Variants in RNF168 observed in about 807,000 individuals in gnomAD.
RNF168 encodes the protein E3 ubiquitin-protein ligase RNF168.
A neutral mutation model predicts 34.9 loss-of-function variants in RNF168; 34 were observed. That is an observed-to-expected ratio of 0.97 (90% CI 0.74 to 1.30). The LOEUF (loss-of-function observed/expected upper bound fraction) is 1.30, where lower values mean the gene tolerates loss of function less well. RNF168 is among the 50% of genes most tolerant of loss of function. The pLI is 0.00. For synonymous variants in RNF168, 264 were observed against 254.7 expected (o/e 1.04, Z -0.35); for missense variants, 725 against 682.5 (o/e 1.06, Z -0.69).
At chr3:196,492,826 G>T (rs1732628994) in intron 1 of RNF168, among the ~76,000 whole-genome samples, 1 of 151,608 alleles carries the variant, frequency 6.6e-6, no homozygotes, top group South Asian at 2.1e-4. Context: ...GCCCCAAATT[G>T]CTCTGGAAAA....
intron 1 of RNF168, among the ~76,000 whole-genome samples, chr3:196,492,771 C>T (rs1732626935): frequency 6.6e-6 from 1 of 150,830 alleles, no homozygotes; most frequent in African/African-American, 2.5e-5. Context: ...GAGAGAGACT[C>T]CATCTCAAAT....
chr3:196,489,314 A>AT (rs1732535343), intron 1 of RNF168, among the ~76,000 whole-genome samples: 1 of 150,340 alleles, frequency 6.7e-6, no homozygotes, highest in South Asian at 2.1e-4. Flanking sequence ...AGAGGAGGTT[A>AT]ACTGATTAAA....
chr3:196,492,483 T>TA (rs1377747646), intron 1 of RNF168, among the ~76,000 whole-genome samples: 4 of 151,106 alleles, frequency 2.6e-5, no homozygotes, highest in African/African-American at 9.7e-5. Context: ...AGTTAAAAAA[T>TA]AAAAAGCCCA....
At chr3:196,497,478 T>C (rs1413925355) in intron 1 of RNF168, among the ~76,000 whole-genome samples, 2 of 152,038 alleles carry the variant, frequency 1.3e-5, no homozygotes, top group African/African-American at 4.8e-5. Context: ...AAGACCAGCC[T>C]GGCCAACATG....
chr3:196,494,649 A>C (rs1732693510), intron 1 of RNF168, among the ~76,000 whole-genome samples: 1 of 152,178 alleles, frequency 6.6e-6, no homozygotes, highest in African/African-American at 2.4e-5. Context: ...AAAAAGCCCA[A>C]AGTTGCTCTG....
chr3:196,482,523 T>G (rs565689766), intron 4 of RNF168, among the ~76,000 whole-genome samples: 9 of 152,328 alleles, frequency 5.9e-5, no homozygotes, highest in Admixed American at 2.0e-4. Flanking sequence ...AATCACCAAC[T>G]GTTTTCTGCA....
intron 3 of RNF168, among the ~76,000 whole-genome samples, chr3:196,486,493 T>G (rs2108649780): frequency 6.6e-6 from 1 of 151,994 alleles, no homozygotes; most frequent in South Asian, 2.1e-4. Flanking sequence ...ACCATCACAC[T>G]CGGCTCATTA....
At chr3:196,493,764 G>A (rs1362423267) in intron 1 of RNF168, among the ~76,000 whole-genome samples, 1 of 151,868 alleles carries the variant, frequency 6.6e-6, no homozygotes, top group East Asian at 1.9e-4. Flanking sequence ...CTGACCTCAG[G>A]TGATCCACCT....
rs935204248 is a variant in RNF168 at position 196,469,055 on chromosome 3, T to C, written c.*2764A>G. The C allele has an allele frequency of 2.0e-5, 3 of 152,140 alleles. No individual in the cohort carries two copies. Among genetic ancestry groups the C allele is most frequent in the Non-Finnish European group, 4.4e-5 (3 of 68,018 alleles). The allele number at this position is 152,140 out of a possible 1,614,324, so 9.4% of individuals were successfully genotyped here. A position where few individuals can be genotyped will look rare whatever the true frequency, so the allele number is the denominator to read the frequency against. On this transcript the variant is annotated 3_prime_UTR_variant, in exon 6 of 6. Transcript: ENST00000318037. ...GAGCTGAATATATAAATCCCAAATA[T>C]ATCACACCATATATGTGATATATTT...
At chr3:196,484,472 C>A (rs1360035696) in intron 3 of RNF168, among the ~76,000 whole-genome samples, 1 of 114,602 alleles carries the variant, frequency 8.7e-6, no homozygotes, top group Non-Finnish European at 1.7e-5. Flanking sequence ...CCGCGCCCGG[C>A]CTTTTTTTTT....
Position 196,472,328 on chromosome 3 carries a change from A to C in RNF168, c.1207T>G (p.Phe403Val). ...SSFEAVKDPC[F>V]SAKRRKVSPE... is the part of the protein sequence containing the mutation. ...GACACTTTTCTTCTTTTTGCAGAAA[A>C]GCATGGATCCTTGACTGCTTCAAAG... Residue 403 changes from phenylalanine to valine, a missense_variant, in exon 6 of 6, where the codon TTT (phenylalanine) becomes GTT (valine). Transcript: ENST00000318037. The C allele has an allele frequency of 6.2e-7, 1 of 1,614,064 alleles. No homozygotes were observed. The highest frequency in any genetic ancestry group is 8.5e-7 in the Non-Finnish European group (1 of 1,179,980).
Position 196,501,676 on chromosome 3 carries a change from T to C in RNF168, c.301+1197A>G, listed in dbSNP as rs201820993. Among the ~76,000 whole-genome samples, 20 of 152,328 alleles carry C rather than the reference T, an allele frequency of 1.3e-4. No individual in the cohort carries two copies. The East Asian group carries it at 2.9e-3, about 22-fold the overall frequency. On this transcript the variant is annotated intron_variant, in intron 1 of 5. Coordinates refer to ENST00000318037, the MANE Select transcript of RNF168 (RefSeq NM_152617.4). ...GAATGTAATTAATGCTATTGAATTG[T>C]ACTTAAAAATGGTTAAAATGTCAGT...
intron 1 of RNF168, among the ~76,000 whole-genome samples, chr3:196,500,933 G>C (rs575918323): frequency 6.6e-6 from 1 of 152,144 alleles, no homozygotes; most frequent in East Asian, 1.9e-4. Flanking sequence ...GGATGGTCTC[G>C]ATCTCCTGAC....
chr3:196,482,374 C>T (rs761687990), intron 4 of RNF168, among the ~76,000 whole-genome samples: 6 of 152,076 alleles, frequency 3.9e-5, no homozygotes, highest in Non-Finnish European at 7.4e-5. Context: ...GTTGTTTCTA[C>T]CTTTCGGTTA....
intron 4 of RNF168, among the ~76,000 whole-genome samples, chr3:196,482,522 C>T (rs1443865944): frequency 6.6e-6 from 1 of 152,210 alleles, no homozygotes; most frequent in Non-Finnish European, 1.5e-5. Flanking sequence ...GAATCACCAA[C>T]TGTTTTCTGC....
In RNF168 at chr3:196,503,749, G is replaced by A; in HGVS notation, c.-576C>T. On this transcript the variant is annotated 5_prime_UTR_variant, in exon 1 of 6. Coordinates refer to ENST00000318037, the MANE Select transcript of RNF168 (RefSeq NM_152617.4). The stretch of plus-strand genomic sequence containing the variant: ...CAGAAACCCTATTCGTTGCGGCAGC[G>A]CAGCAGCCACCGGACAAGCGCTAGC... 6.2e-6 allele frequency: 1 copy of A among 160,108 alleles called. No individual in the cohort carries two copies. Among genetic ancestry groups the A allele is most frequent in the Admixed American group, 5.9e-5 (1 of 16,844 alleles). 9.9% of individuals were successfully genotyped at this position (160,108 alleles called of 1,614,324 possible). A position where few individuals can be genotyped will look rare whatever the true frequency, so the allele number is the denominator to read the frequency against.
chr3:196,494,736 T>C (rs946099721), intron 1 of RNF168, among the ~76,000 whole-genome samples: 1 of 152,150 alleles, frequency 6.6e-6, no homozygotes, highest in Admixed American at 6.6e-5. Context: ...TGGCTATAAA[T>C]GGCAATCAGG....
Position 196,470,232 on chromosome 3 carries a change from AG to A in RNF168, c.*1586del, listed in dbSNP as rs1731965995. ...ATCCAGACTGTCAGTCACCCCATCC[AG>A]CCACATCCTCATCTGGACCAGTTTC... On this transcript the variant is annotated 3_prime_UTR_variant, in exon 6 of 6. Coordinates refer to ENST00000318037, the MANE Select transcript of RNF168 (RefSeq NM_152617.4). The A allele has an allele frequency of 6.5e-6, 1 of 152,814 alleles. No individual in the cohort carries two copies. Among genetic ancestry groups the A allele is most frequent in the African/African-American group, 2.4e-5 (1 of 41,248 alleles). 9.5% of individuals were successfully genotyped at this position (152,814 alleles called of 1,614,324 possible). A position where few individuals can be genotyped will look rare whatever the true frequency, so the allele number is the denominator to read the frequency against.
intron 4 of RNF168, among the ~76,000 whole-genome samples, chr3:196,481,927 G>C (rs1732301490): frequency 6.7e-6 from 1 of 148,202 alleles, no homozygotes; most frequent in Non-Finnish European, 1.5e-5. Context: ...GCCTCCCAAA[G>C]TGCTGGGATT....
Sources: gnomAD v4.1 joint callset for allele counts (sites outside exome capture counted in the v4.1 genomes callset) on GRCh38, gnomAD v4.1.1 for gene constraint, MANE v1.5 for transcripts, NCBI Gene and HGNC (gene_info 2026-07-23, HGNC 2026-07-21) for gene names.